SEC63: variants seen among roughly 807,000 people sequenced by gnomAD.
The protein encoded by SEC63 is SEC63 protein translocation regulator.
SEC63 carries 56 observed loss-of-function variants against 116.2 expected under a neutral mutation model. That is an observed-to-expected ratio of 0.48 (90% CI 0.39 to 0.60). SEC63 has a LOEUF of 0.60. Among genes scored for constraint, SEC63 ranks in the 20% least tolerant of loss-of-function variants. The pLI is 0.00. For missense variants in SEC63, 668 were observed against 900.0 expected (o/e 0.74, Z 3.30); for synonymous variants, 273 against 294.6 (o/e 0.93, Z 0.75).
chr6:107,904,744 A>G, intron 10 of SEC63, 23 bp from the exon 11 acceptor site: 1 of 1,530,602 alleles, frequency 6.5e-7, no homozygotes, highest in Non-Finnish European at 9.1e-7. Flanking sequence ...AAAAAACCTG[A>G]AACAGATCAT....
intron 1 of SEC63, among the ~76,000 whole-genome samples, chr6:107,938,023 TTTTAG>T (rs145209291): frequency 0.033 from 5,008 of 152,210 alleles, 122 homozygotes; most frequent in Non-Finnish European, 0.051. Flanking sequence ...GTGCAGAATC[TTTTAG>T]TTTAATTAGA....
chr6:107,920,919 T>C (rs527394489), intron 4 of SEC63, among the ~76,000 whole-genome samples: 3 of 152,316 alleles, frequency 2.0e-5, no homozygotes, highest in East Asian at 1.9e-4. Flanking sequence ...ATAATAACAA[T>C]GCACCTTACC....
chr6:107,904,008 C>T (rs1056571080), intron 11 of SEC63, among the ~76,000 whole-genome samples: 3 of 151,444 alleles, frequency 2.0e-5, no homozygotes, highest in Admixed American at 1.3e-4. Context: ...ATGCCAGCTA[C>T]TCAGGAGGCT....
At chr6:107,906,650 T>A (rs1313248668) in intron 9 of SEC63, 33 bp downstream of exon 9, 2 of 1,604,828 alleles carry the variant, frequency 1.2e-6, no homozygotes, top group Non-Finnish European at 1.7e-6. Flanking sequence ...AATACTTAAC[T>A]GCTCATCGGG....
intron 4 of SEC63, among the ~76,000 whole-genome samples, chr6:107,915,653 A>T (rs1787384508): frequency 6.6e-6 from 1 of 151,904 alleles, no homozygotes; most frequent in Non-Finnish European, 1.5e-5. Context: ...AAATGAAATG[A>T]CCCAGCTGGT....
intron 16 of SEC63, among the ~76,000 whole-genome samples, chr6:107,888,046 T>C (rs1015318454): frequency 6.6e-6 from 1 of 152,196 alleles, no homozygotes; most frequent in Non-Finnish European, 1.5e-5. Context: ...AGCTTTGTTC[T>C]TTTTGCTTAA....
chr6:107,880,422 C>T (rs1380405638), intron 18 of SEC63, among the ~76,000 whole-genome samples: 2 of 152,162 alleles, frequency 1.3e-5, no homozygotes, highest in East Asian at 1.9e-4. Context: ...CTACTCCAGA[C>T]AGAATCATAC....
At chr6:107,934,630 AG>A (rs1267294643) in intron 1 of SEC63, among the ~76,000 whole-genome samples, 1 of 140,574 alleles carries the variant, frequency 7.1e-6, no homozygotes, top group Non-Finnish European at 1.5e-5. Context: ...GGTGGGGGTC[AG>A]CCCCCCGCCA....
chr6:107,931,872 CAAG>C (rs1787819736), intron 1 of SEC63: 2 of 152,408 alleles, frequency 1.3e-5, no homozygotes, highest in East Asian at 3.8e-4. Context: ...TTTGAAAGAA[CAAG>C]AAGGCAGTGC....
chr6:107,883,231 A>G lies in SEC63; in HGVS notation c.1675-85T>C. The G allele has an allele frequency of 6.6e-6, 10 of 1,518,038 alleles. No individual in the cohort carries two copies. The South Asian group carries it at 1.2e-4, about 17-fold the overall frequency. 94.0% of individuals were successfully genotyped at this position (1,518,038 alleles called of 1,614,324 possible). On this transcript the variant is annotated intron_variant, in intron 16 of 20. Transcript: ENST00000369002. Reference sequence around the variant, plus strand: ...AATCCCTGAAGTTAACTTATTGTCAATTTAACTAAACTGACTCGATGACAA... The same window carrying G: ...AATCCCTGAAGTTAACTTATTGTCAGTTTAACTAAACTGACTCGATGACAA...
At chr6:107,933,622 A>G (rs949133165) in intron 1 of SEC63, among the ~76,000 whole-genome samples, 13 of 152,212 alleles carry the variant, frequency 8.5e-5, no homozygotes, top group African/African-American at 2.7e-4. Flanking sequence ...GGAAAAGTGA[A>G]TAACTACTTC....
intron 1 of SEC63, among the ~76,000 whole-genome samples, chr6:107,949,828 G>A (rs1019897596): frequency 2.0e-4 from 31 of 152,012 alleles, no homozygotes; most frequent in African/African-American, 7.0e-4. Flanking sequence ...GTAGGAACAC[G>A]GTCTCATTAT....
At chr6:107,890,229 T>G (rs1397190659) in intron 16 of SEC63, among the ~76,000 whole-genome samples, 1 of 152,054 alleles carries the variant, frequency 6.6e-6, no homozygotes, top group Admixed American at 6.6e-5. Context: ...CTCTAAGAAC[T>G]TGCTTTATGA....
At chr6:107,874,551 A>G (rs1003761726) in intron 19 of SEC63, among the ~76,000 whole-genome samples, 18 of 147,396 alleles carry the variant, frequency 1.2e-4, no homozygotes, top group East Asian at 2.0e-4. Context: ...AGCCGAGATC[A>G]TGCCACTGCA....
At chr6:107,941,231 A>C (rs1022113246) in intron 1 of SEC63, among the ~76,000 whole-genome samples, 2 of 152,196 alleles carry the variant, frequency 1.3e-5, no homozygotes, top group African/African-American at 4.8e-5. Flanking sequence ...TTTGGGTGTT[A>C]ATACAAATTC....
chr6:107,955,288 G>A (rs533666932), intron 1 of SEC63, among the ~76,000 whole-genome samples: 113 of 152,114 alleles, frequency 7.4e-4, no homozygotes, highest in African/African-American at 2.5e-3. Flanking sequence ...TCAGCCTCCC[G>A]GGTAGCTGGA....
chr6:107,939,933 C>G (rs539181907), intron 1 of SEC63, among the ~76,000 whole-genome samples: 1 of 152,264 alleles, frequency 6.6e-6, no homozygotes, highest in East Asian at 1.9e-4. Context: ...TCATTATGCT[C>G]TTAACTTGAA....
Position 107,893,604 on chromosome 6 carries a change from T to C in SEC63, c.1552A>G (p.Lys518Glu). Reference protein sequence around the residue: ...RTKGGWQQKSKGPKKTAKSKK... With the variant: ...RTKGGWQQKSEGPKKTAKSKK... ...GATTTAGCAGTTTTCTTGGGTCCTT[T>C]ACTCTTCTGTTGCCATCCTCCTTTT... Residue 518 changes from lysine to glutamate, a missense_variant, in exon 16 of 21, where the codon AAA becomes GAA. By Grantham distance (56) the Lys-to-Glu change is moderately conservative. Coordinates refer to ENST00000369002, the MANE Select transcript of SEC63 (RefSeq NM_007214.5). 1 of 1,612,418 alleles carries C rather than the reference T, an allele frequency of 6.2e-7. No individual in the cohort carries two copies. Among genetic ancestry groups the C allele is most frequent in the Non-Finnish European group, 8.5e-7 (1 of 1,179,636 alleles).
intron 1 of SEC63, among the ~76,000 whole-genome samples, chr6:107,948,404 A>G (rs756240132): frequency 2.6e-5 from 4 of 152,196 alleles, no homozygotes; most frequent in Admixed American, 6.5e-5. Flanking sequence ...ATGAGATAAT[A>G]CATGAATCTA....
Sources: allele counts gnomAD v4.1 joint callset (sites outside exome capture counted in the v4.1 genomes callset), GRCh38; gene constraint gnomAD v4.1.1; transcripts MANE v1.5; gene names NCBI Gene and HGNC (gene_info 2026-07-23, HGNC 2026-07-21).